The following PLXNA4 variants were observed in gnomAD, a reference collection of about 807,000 sequenced individuals.
The protein encoded by PLXNA4 is plexin A4, also known as plexin-A4.
Under a neutral mutation model 191.8 loss-of-function variants are expected in PLXNA4, and 44 were observed. The ratio of observed to expected loss-of-function variants is 0.23; its 90% CI spans 0.18 to 0.29. PLXNA4 has a LOEUF of 0.29. Among genes scored for constraint, PLXNA4 ranks in the 10% least tolerant of loss-of-function variants. The probability of loss-of-function intolerance (pLI) is 1.00; values close to 1 mark genes in which losing one functional copy is unlikely to be tolerated. For synonymous variants in PLXNA4, 1,082 were observed against 1,009.5 expected (o/e 1.07, Z -1.36); for missense variants, 1,800 against 2,488.8 (o/e 0.72, Z 5.89).
intron 3 of PLXNA4, among the ~76,000 whole-genome samples, chr7:132,482,676 G>A (rs1420501279): frequency 1.4e-5 from 2 of 147,920 alleles, no homozygotes; most frequent in African/African-American, 5.0e-5. Context: ...TATGGAGTGA[G>A]TGTGGGAGCT....
At chr7:132,647,638 CACAT>C (rs1180113267) in intron 1 of PLXNA4, among the ~76,000 whole-genome samples, 1 of 151,920 alleles carries the variant, frequency 6.6e-6, no homozygotes, top group Non-Finnish European at 1.5e-5. Flanking sequence ...CTATCATACA[CACAT>C]ACACACTCAT....
At position 132,489,318 on chromosome 7, in the gene PLXNA4, C is replaced by T; in HGVS notation, c.1345G>A (p.Gly449Ser). The T allele has an allele frequency of 6.3e-7, 1 of 1,588,224 alleles. No homozygotes were observed. Among genetic ancestry groups the T allele is most frequent in the Non-Finnish European group, 8.6e-7 (1 of 1,158,350 alleles). The change falls in exon 3 of 32, where the codon GGC (glycine) becomes AGC (serine). Residue 449 changes from glycine (G) to serine (S), a missense_variant. Around this residue, in one of 6 missense-constraint regions of PLXNA4, gnomAD observed 1,397 missense variants for 1,880.4 expected, o/e 0.74. Coordinates refer to ENST00000321063, the MANE Select transcript of PLXNA4 (RefSeq NM_020911.2). ...VYKNHSLAFV[G>S]TKSGKLKKIR... ...TTCTTCAGCTTGCCACTTTTGGTGC[C>T]CACAAAGGCCAGAGAGTGGTTCTTG...
chr7:132,221,856 C>G (rs930889066), intron 9 of PLXNA4, among the ~76,000 whole-genome samples: 3 of 152,112 alleles, frequency 2.0e-5, no homozygotes, highest in African/African-American at 7.2e-5. Flanking sequence ...ATAATCTCTT[C>G]TTTTTTCTGT....
rs1176390805 is a variant in PLXNA4 at position 132,158,284 on chromosome 7, A to C, written c.4660+1189T>G. ...GGGGTGAGGCAGTGGGAGGCAATGA[A>C]AATTCCCTCTGGATTCTAGAAAATA... On this transcript the variant is annotated intron_variant, in intron 25 of 31. Coordinates refer to ENST00000321063, the MANE Select transcript of PLXNA4 (RefSeq NM_020911.2). Among the ~76,000 whole-genome samples the C allele has an allele frequency of 2.0e-5, 3 of 152,200 alleles. No homozygotes were observed. The East Asian group carries it at 5.8e-4, about 29-fold the overall frequency.
chr7:132,279,746 C>A (rs1265649632), intron 4 of PLXNA4, among the ~76,000 whole-genome samples: 3 of 152,246 alleles, frequency 2.0e-5, no homozygotes, highest in Admixed American at 2.0e-4. Flanking sequence ...TGCTACTCCA[C>A]TGCCACCCAC....
At chr7:132,437,624 G>A (rs558513519) in intron 3 of PLXNA4, among the ~76,000 whole-genome samples, 3 of 150,590 alleles carry the variant, frequency 2.0e-5, no homozygotes, top group African/African-American at 4.9e-5. Context: ...CGCACCAAGA[G>A]ATCCTTAGCT....
chr7:132,644,513 A>G (rs1803817476), intron 2 of PLXNA4, among the ~76,000 whole-genome samples: 1 of 152,168 alleles, frequency 6.6e-6, no homozygotes, highest in Non-Finnish European at 1.5e-5. Context: ...TTGGCTCCAC[A>G]GCTTCCTGCC....
intron 3 of PLXNA4, among the ~76,000 whole-genome samples, chr7:132,445,938 C>T (rs559369779): frequency 6.6e-6 from 1 of 152,296 alleles, no homozygotes; most frequent in South Asian, 2.1e-4. Flanking sequence ...CTCCCGAGAC[C>T]TTGATGAAGG....
intron 1 of PLXNA4, among the ~76,000 whole-genome samples, chr7:132,543,552 T>C (rs974496190): frequency 6.6e-6 from 1 of 152,222 alleles, no homozygotes; most frequent in African/African-American, 2.4e-5. Context: ...GGTCAGTCAA[T>C]TGAATTAGCT....
At chr7:132,256,526 G>A (rs1169985879) in intron 4 of PLXNA4, among the ~76,000 whole-genome samples, 2 of 152,140 alleles carry the variant, frequency 1.3e-5, no homozygotes, top group African/African-American at 4.8e-5. Flanking sequence ...GGAGAATCAA[G>A]GCACTTACAA....
chr7:132,556,235 C>G (rs1043223047), intron 1 of PLXNA4, among the ~76,000 whole-genome samples: 1 of 152,220 alleles, frequency 6.6e-6, no homozygotes, highest in Non-Finnish European at 1.5e-5. Flanking sequence ...ACCCTGGGGC[C>G]AGAGAGGGAG....
chr7:132,555,136 A>T (rs914372793), intron 1 of PLXNA4, among the ~76,000 whole-genome samples: 4 of 152,088 alleles, frequency 2.6e-5, no homozygotes, highest in Admixed American at 6.5e-5. Flanking sequence ...TCCTATAAAA[A>T]TAACGTATGT....
intron 3 of PLXNA4, among the ~76,000 whole-genome samples, chr7:132,300,174 C>T (rs1243739745): frequency 6.6e-6 from 1 of 152,184 alleles, no homozygotes; most frequent in Non-Finnish European, 1.5e-5. Context: ...TACCCAGGTA[C>T]ATTAAACAAG....
In PLXNA4 at chr7:132,576,466, A is replaced by T; in HGVS notation, c.-131T>A. ...CTCCTTCAGCGGGAGCGCCGCATTG[A>T]CACTGCAGATGGAGCCTATGCCGCT... On this transcript the variant is annotated 5_prime_UTR_variant, in exon 1 of 32. Coordinates refer to ENST00000321063, the MANE Select transcript of PLXNA4 (RefSeq NM_020911.2). This position sits in a 1 kb window ranked among gnomAD's most constrained non-coding sequence, Gnocchi z 5.8. 1.0e-6 allele frequency: 1 copy of T among 984,986 alleles called. No homozygotes were observed. The highest frequency in any genetic ancestry group is 1.2e-6 in the Non-Finnish European group (1 of 829,738). The allele number at this position is 984,986 out of a possible 1,614,324, so 61.0% of individuals were successfully genotyped here. A position where few individuals can be genotyped will look rare whatever the true frequency, so the allele number is the denominator to read the frequency against.
chr7:132,601,289 A>G (rs1418326608), intron 2 of PLXNA4, among the ~76,000 whole-genome samples: 1 of 152,176 alleles, frequency 6.6e-6, no homozygotes, highest in African/African-American at 2.4e-5. Flanking sequence ...CAAAAGAAAA[A>G]AAAAAACAGT....
At chr7:132,462,489 A>C (rs1361310225) in intron 3 of PLXNA4, among the ~76,000 whole-genome samples, 1 of 152,256 alleles carries the variant, frequency 6.6e-6, no homozygotes, top group African/African-American at 2.4e-5. Context: ...CACAATAAAA[A>C]GTAGAGATGA....
At chr7:132,237,674 C>T (rs1171924645) in intron 5 of PLXNA4, among the ~76,000 whole-genome samples, 2 of 152,208 alleles carry the variant, frequency 1.3e-5, no homozygotes, top group African/African-American at 4.8e-5. Context: ...GCACCTTGCC[C>T]TGACAGAGCA....
chr7:132,307,074 C>T (rs73157278), intron 3 of PLXNA4, among the ~76,000 whole-genome samples: 3,777 of 152,170 alleles, frequency 0.025, 60 homozygotes, highest in Middle Eastern at 0.048. Flanking sequence ...CAGTTCCCAT[C>T]AGACTCTGAT....
At chr7:132,617,695 C>G (rs1803183937) in intron 2 of PLXNA4, among the ~76,000 whole-genome samples, 1 of 152,092 alleles carries the variant, frequency 6.6e-6, no homozygotes, top group African/African-American at 2.4e-5. Context: ...CTGGTTGATC[C>G]AAGGACTGCT....
Sources: gnomAD v4.1 joint callset for allele counts (sites outside exome capture counted in the v4.1 genomes callset) on GRCh38, gnomAD v4.1.1 for gene constraint, gnomAD v4.1.1 regional missense constraint, Gnocchi (gnomAD v3.1) non-coding constraint, MANE v1.5 for transcripts, NCBI Gene and HGNC (gene_info 2026-07-23, HGNC 2026-07-21) for gene names.